CMIP: variants seen among roughly 807,000 people sequenced by gnomAD.
CMIP encodes the protein c-Maf inducing protein.
CMIP carries 13 observed loss-of-function variants against 97.3 expected under a neutral mutation model. The ratio of observed to expected loss-of-function variants is 0.13; its 90% confidence interval spans 0.09 to 0.21. CMIP has a LOEUF of 0.21. CMIP is among the 10% of genes least tolerant of loss of function. The pLI, the probability that CMIP is intolerant of heterozygous loss-of-function variation, is 1.00. For synonymous variants in CMIP, 538 were observed against 436.3 expected (o/e 1.23, Z -2.91); for missense variants, 847 against 1,024.9 (o/e 0.83, Z 2.37).
At chr16:81,565,198 G>A (rs1303589633) in intron 1 of CMIP, among the ~76,000 whole-genome samples, 8 of 152,186 alleles carry the variant, frequency 5.3e-5, no homozygotes, top group African/African-American at 1.9e-4. Flanking sequence ...AGGGCAGTAT[G>A]TGAACTTCAG....
intron 5 of CMIP, among the ~76,000 whole-genome samples, chr16:81,660,681 A>G (rs1020218026): frequency 3.3e-5 from 5 of 152,152 alleles, no homozygotes; most frequent in Non-Finnish European, 7.3e-5. Flanking sequence ...GGTGGTGACA[A>G]ACCCACACAG....
At chr16:81,692,901 T>G (rs1906261665) in intron 11 of CMIP, among the ~76,000 whole-genome samples, 1 of 152,166 alleles carries the variant, frequency 6.6e-6, no homozygotes, top group Non-Finnish European at 1.5e-5. Flanking sequence ...CCCCTCTTAT[T>G]CACAGGTGTG....
intron 3 of CMIP, among the ~76,000 whole-genome samples, chr16:81,638,332 C>G (rs958582162): frequency 2.0e-5 from 3 of 152,190 alleles, no homozygotes; most frequent in African/African-American, 7.2e-5. Context: ...ATGACCCAGG[C>G]AGGAGTTTGC....
intron 1 of CMIP, among the ~76,000 whole-genome samples, chr16:81,459,019 C>T (rs1199074909): frequency 6.0e-5 from 8 of 133,880 alleles, no homozygotes; most frequent in African/African-American, 1.8e-4. Flanking sequence ...TCACCGTCAC[C>T]ATCACTGTCA....
At chr16:81,681,087 A>G (rs2151061729) in intron 10 of CMIP, among the ~76,000 whole-genome samples, 1 of 152,318 alleles carries the variant, frequency 6.6e-6, no homozygotes, top group East Asian at 1.9e-4. Flanking sequence ...CAGGACAGTC[A>G]GGGCAAGCCA....
chr16:81,695,105 AGGGAAATGT>A (rs1161331233), intron 13 of CMIP, among the ~76,000 whole-genome samples: 7 of 152,202 alleles, frequency 4.6e-5, no homozygotes, highest in Non-Finnish European at 1.0e-4. Context: ...TTCTCAAACC[AGGGAAATGT>A]GCATGAGGCC....
At chr16:81,613,070 T>C (rs1421866823) in intron 2 of CMIP, among the ~76,000 whole-genome samples, 1 of 152,214 alleles carries the variant, frequency 6.6e-6, no homozygotes, top group Non-Finnish European at 1.5e-5. Context: ...AGACATTGCC[T>C]AGCAGCGTAT....
intron 1 of CMIP, among the ~76,000 whole-genome samples, chr16:81,521,673 G>C (rs2090030878): frequency 6.6e-6 from 1 of 152,146 alleles, no homozygotes; most frequent in Non-Finnish European, 1.5e-5. Flanking sequence ...TCTAAGTCTT[G>C]TGTATTTGTA....
chr16:81,708,233 C>A (rs1908370388), intron 20 of CMIP, among the ~76,000 whole-genome samples: 1 of 152,232 alleles, frequency 6.6e-6, no homozygotes, highest in Admixed American at 6.5e-5. Context: ...GGGGCACAGC[C>A]AGCAGATCAC....
chr16:81,630,156 T>C (rs981169159), intron 3 of CMIP: 1 of 152,252 alleles, frequency 6.6e-6, no homozygotes, highest in Admixed American at 6.5e-5. Context: ...CACCAGTTTC[T>C]TACGGGGATT....
chr16:81,584,621 G>A (rs1226462183), intron 1 of CMIP, among the ~76,000 whole-genome samples: 1 of 140,156 alleles, frequency 7.1e-6, no homozygotes, highest in Admixed American at 7.0e-5. Flanking sequence ...CCCACATAAT[G>A]ACAGGAGCCT....
At chr16:81,482,567 G>T (rs1461447153) in intron 1 of CMIP, among the ~76,000 whole-genome samples, 1 of 152,206 alleles carries the variant, frequency 6.6e-6, no homozygotes, top group Non-Finnish European at 1.5e-5. Flanking sequence ...TCCCACTTGA[G>T]CCTGGTGGAC....
At chr16:81,535,463 AT>A (rs2090324317) in intron 1 of CMIP, among the ~76,000 whole-genome samples, 1 of 133,434 alleles carries the variant, frequency 7.5e-6, no homozygotes, top group African/African-American at 2.6e-5. Context: ...TAGCACTGGA[AT>A]GCTTTTTTTT....
At chr16:81,531,223 G>C (rs931465766) in intron 1 of CMIP, among the ~76,000 whole-genome samples, 1 of 152,130 alleles carries the variant, frequency 6.6e-6, no homozygotes, top group Non-Finnish European at 1.5e-5. Context: ...ACAGGGACGA[G>C]CACCGTGTGA....
intron 16 of CMIP, 124 bp from the exon 17 acceptor site, chr16:81,702,498 A>G: frequency 1.0e-6 from 1 of 982,888 alleles, no homozygotes; most frequent in Non-Finnish European, 1.6e-6. Flanking sequence ...GACCAAGACC[A>G]CCGTGTTGCC....
rs16955662 is a variant in CMIP at position 81,614,221 on chromosome 16, G to A, written c.426+6529G>A. ...CTGGTGGGGGAGTACACGCTGCATG[G>A]AAGCCAGTCTGAGAGCAGGGCAGGC... On this transcript the variant is annotated intron_variant, in intron 2 of 20. Coordinates refer to ENST00000537098, the MANE Select transcript of CMIP (RefSeq NM_198390.3). The surrounding 1 kb of genome is among the most constrained non-coding windows in gnomAD (Gnocchi z 5.3). Among the ~76,000 whole-genome samples, 3,213 of 152,278 alleles carry A rather than the reference G, an allele frequency of 0.021. 109 individuals are homozygous for A. Among genetic ancestry groups the A allele is most frequent in the African/African-American group, 0.074 (3,065 of 41,528 alleles).
At chr16:81,549,609 G>A (rs1310724608) in intron 1 of CMIP, among the ~76,000 whole-genome samples, 1 of 152,124 alleles carries the variant, frequency 6.6e-6, no homozygotes, top group East Asian at 1.9e-4. Flanking sequence ...TGAGAGGCGG[G>A]GCTGAGACCT....
At chr16:81,472,608 A>G (rs545896869) in intron 1 of CMIP, among the ~76,000 whole-genome samples, 149 of 152,268 alleles carry the variant, frequency 9.8e-4, no homozygotes, top group African/African-American at 3.5e-3. Flanking sequence ...TGGGGGTGGC[A>G]CCCGCAAATG....
intron 1 of CMIP, among the ~76,000 whole-genome samples, chr16:81,597,162 G>C (rs1319909879): frequency 2.6e-5 from 4 of 152,208 alleles, no homozygotes; most frequent in African/African-American, 9.7e-5. Flanking sequence ...GGAGGAAGGG[G>C]ATTGCTGGGT....
Sources: allele counts gnomAD v4.1 joint callset (sites outside exome capture counted in the v4.1 genomes callset), GRCh38; gene constraint gnomAD v4.1.1; non-coding constraint Gnocchi (gnomAD v3.1); transcripts MANE v1.5; gene names NCBI Gene and HGNC (gene_info 2026-07-23, HGNC 2026-07-21).